SRRM3: variants seen among roughly 807,000 people sequenced by gnomAD.
SRRM3 encodes the protein serine/arginine repetitive matrix 3, also known as serine/arginine repetitive matrix protein 3.
In SRRM3, 27 loss-of-function variants were observed where a neutral mutation model predicts 66.2. The ratio of observed to expected loss-of-function variants is 0.41; its 90% CI spans 0.30 to 0.56. The LOEUF (loss-of-function observed/expected upper bound fraction) is 0.56, where lower values mean the gene tolerates loss of function less well. SRRM3 is among the 20% of genes least tolerant of loss of function. SRRM3 has a pLI of 0.32. For missense variants in SRRM3, 918 were observed against 991.9 expected (o/e 0.93, Z 1.00); for synonymous variants, 391 against 414.9 (o/e 0.94, Z 0.70).
chr7:76,261,333 C>A lies in SRRM3; in HGVS notation c.576-19C>A. The A allele has an allele frequency of 9.4e-7, 1 of 1,063,814 alleles. No homozygotes were observed. The highest frequency in any genetic ancestry group is 1.3e-6 in the Non-Finnish European group (1 of 768,650). The allele number at this position is 1,063,814 out of a possible 1,614,324, so 65.9% of individuals were successfully genotyped here. ...CCCCCCACCCCAGCTCACTAGAGCC[C>A]ACCTCCCTGTGTCCACAGCTGTGGG... On this transcript the variant is annotated intron_variant, in intron 6 of 14. Coordinates refer to ENST00000611745, the MANE Select transcript of SRRM3 (RefSeq NM_001110199.3).
intron 3 of SRRM3, among the ~76,000 whole-genome samples, chr7:76,250,034 T>A (rs1201879237): frequency 7.2e-6 from 1 of 139,670 alleles, no homozygotes; most frequent in Non-Finnish European, 1.6e-5. Flanking sequence ...TATTTATTTA[T>A]TTATTTATTT....
rs527377346 is a variant in SRRM3, at chr7:76,250,486, G to A, written c.335+2197G>A. ...TGACCTCAGGTGACCCACCCGCCTC[G>A]GCCTCCCAAAGTGCTGGGATTACAG... On this transcript the variant is annotated intron_variant, in intron 3 of 14. Transcript: ENST00000611745. Among the ~76,000 whole-genome samples, 26 of 152,138 alleles carry A rather than the reference G, an allele frequency of 1.7e-4. No homozygotes were observed. In the South Asian group the frequency reaches 2.9e-3, roughly 17 times the overall value.
chr7:76,248,401 G>C, intron 3 of SRRM3, 112 bp downstream of exon 3: 2 of 697,868 alleles, frequency 2.9e-6, no homozygotes, highest in South Asian at 3.4e-5. Context: ...TCAGGTGAGG[G>C]GGTGGAGAGG....
chr7:76,225,691 G>T (rs1554603675), intron 1 of SRRM3, among the ~76,000 whole-genome samples: 1 of 151,976 alleles, frequency 6.6e-6, no homozygotes, highest in East Asian at 1.9e-4. Flanking sequence ...GACCAGCCTG[G>T]GCAACAACGT....
In SRRM3 at chr7:76,264,831, A is replaced by T; in HGVS notation, c.725+16A>T. On this transcript the variant is annotated intron_variant, in intron 9 of 14. Transcript: ENST00000611745. ...AGAAGAAGAGGTAAGCGCCCTCCCT[A>T]CTCTCCAGCCCCCCATTCGTTCTCC... The T allele has an allele frequency of 6.2e-7, 1 of 1,612,654 alleles. No homozygotes were observed. Among genetic ancestry groups the T allele is most frequent in the Non-Finnish European group, 8.5e-7 (1 of 1,179,474 alleles).
rs782707622 is a variant in SRRM3, at chr7:76,248,228, C to A, written c.274C>A (p.Arg92=). Residue 92 remains arginine, a synonymous_variant, in exon 3 of 15, where the codon CGG becomes AGG. Transcript: ENST00000611745. ...GATTCGGCAGAAAGTGGGGACATTC[C>A]GGCAGATGCTGATGGAGAAGGAGGG... ...EEIRQKVGTF[R]QMLMEKEGVL... is the part of the protein sequence containing the mutation. 1 of 1,613,764 alleles carries A rather than the reference C, an allele frequency of 6.2e-7. No homozygotes were observed. The highest frequency in any genetic ancestry group is 8.5e-7 in the Non-Finnish European group (1 of 1,179,840).
At chr7:76,247,826 C>T (rs1801478822) in intron 2 of SRRM3, among the ~76,000 whole-genome samples, 1 of 152,036 alleles carries the variant, frequency 6.6e-6, no homozygotes, top group Non-Finnish European at 1.5e-5. Flanking sequence ...TCCTGAGTAG[C>T]GGGGATTGCA....
intron 3 of SRRM3, among the ~76,000 whole-genome samples, chr7:76,252,371 G>C (rs549123312): frequency 1.7e-4 from 26 of 152,190 alleles, no homozygotes; most frequent in Non-Finnish European, 3.8e-4. Context: ...ATCCAGGCTG[G>C]AGTGCAGCTC....
intron 1 of SRRM3, among the ~76,000 whole-genome samples, chr7:76,224,439 A>G (rs1421633986): frequency 1.6e-5 from 2 of 122,440 alleles, no homozygotes; most frequent in Admixed American, 2.3e-4. Flanking sequence ...ACCTTCCCTG[A>G]CCATCCTAGG....
At position 76,235,276 on chromosome 7, in the gene SRRM3, G is replaced by A. The variant is rs2116996880; in HGVS notation, c.210G>A (p.Leu70=). The change falls in exon 2 of 15, where the codon CTG becomes CTA. Residue 70 remains leucine (L), a synonymous_variant. Coordinates refer to ENST00000611745, the MANE Select transcript of SRRM3 (RefSeq NM_001110199.3). The part of the protein sequence containing the change: ...KRRVELKCME[L]QEMMEEQGYS... Reference sequence around the variant, plus strand: ...GGGTGGAGCTCAAGTGCATGGAGCTGCAGGAGATGATGGAGGAGCAGGGGT... The same window carrying A: ...GGGTGGAGCTCAAGTGCATGGAGCTACAGGAGATGATGGAGGAGCAGGGGT... 1 of 1,532,758 alleles carries A rather than the reference G, an allele frequency of 6.5e-7. No homozygotes were observed. Among genetic ancestry groups the A allele is most frequent in the Non-Finnish European group, 8.7e-7 (1 of 1,146,500 alleles). The allele number at this position is 1,532,758 out of a possible 1,614,324, so 94.9% of individuals were successfully genotyped here.
chr7:76,218,957 C>G (rs1290573577), intron 1 of SRRM3, among the ~76,000 whole-genome samples: 38 of 151,986 alleles, frequency 2.5e-4, no homozygotes, highest in Non-Finnish European at 2.9e-5. Context: ...CAGGTTCAAG[C>G]AATTCTCCTG....
Position 76,235,112 on chromosome 7 carries a change from C to G in SRRM3, c.46C>G (p.Pro16Ala), listed in dbSNP as rs782656737. The change falls in exon 2 of 15, where the codon CCC (proline) becomes GCC (alanine). Residue 16 changes from proline (P) to alanine (A), a missense_variant. By Grantham distance (27) the Pro-to-Ala change is conservative. Coordinates refer to ENST00000611745, the MANE Select transcript of SRRM3 (RefSeq NM_001110199.3). ...NNGAASMQST[P>A]DAANGFPQPS... ...CGGGGCGGCCAGCATGCAGTCCACA[C>G]CCGACGCCGCGAACGGCTTCCCGCA... 1.9e-6 allele frequency: 3 copies of G among 1,587,642 alleles called. No individual in the cohort carries two copies. The highest frequency in any genetic ancestry group is 8.5e-7 in the Non-Finnish European group (1 of 1,172,368).
At chr7:76,274,005 G>C (rs1802275135) in intron 11 of SRRM3, among the ~76,000 whole-genome samples, 1 of 152,198 alleles carries the variant, frequency 6.6e-6, no homozygotes, top group Admixed American at 6.5e-5. Flanking sequence ...TTCCTGAACT[G>C]TATGCTGCAG....
In SRRM3 at chr7:76,267,523, T is replaced by C. The variant is rs782368205; in HGVS notation, c.1008+88T>C. The C allele has an allele frequency of 1.3e-4, 52 of 388,510 alleles. 2 individuals carry two copies. The highest frequency in any genetic ancestry group is 1.0e-3 in the South Asian group (18 of 17,678). The allele number at this position is 388,510 out of a possible 1,614,324, so 24.1% of individuals were successfully genotyped here. On this transcript the variant is annotated intron_variant, in intron 11 of 14. Coordinates refer to ENST00000611745, the MANE Select transcript of SRRM3 (RefSeq NM_001110199.3). ...GGGTCGCCAGCGGGGCAGGGGGCGA[T>C]AAGTGTGGCATGGGGGCGGGGGCGG...
intron 1 of SRRM3, among the ~76,000 whole-genome samples, chr7:76,217,150 A>G (rs1291652676): frequency 6.6e-5 from 10 of 152,176 alleles, no homozygotes; most frequent in East Asian, 5.8e-4. Flanking sequence ...TCACCATCCA[A>G]TTTTGATTCT....
intron 1 of SRRM3, among the ~76,000 whole-genome samples, chr7:76,233,051 T>A (rs1272028952): frequency 6.6e-6 from 1 of 151,932 alleles, no homozygotes; most frequent in Non-Finnish European, 1.5e-5. Context: ...GCCTGTAATC[T>A]CAGTACTTTG....
chr7:76,282,620 C>T, intron 12 of SRRM3, 28 bp from the exon 13 acceptor site: 1 of 1,369,712 alleles, frequency 7.3e-7, no homozygotes, highest in Non-Finnish European at 9.5e-7. Context: ...GTCGCTGAGC[C>T]CTATCCCGCG....
intron 2 of SRRM3, among the ~76,000 whole-genome samples, chr7:76,246,711 G>A (rs1801453411): frequency 1.3e-5 from 2 of 152,170 alleles, no homozygotes; most frequent in African/African-American, 4.8e-5. Flanking sequence ...GGGGACCCCG[G>A]GATGACATCT....
At chr7:76,271,331 G>GC (rs776837672) in intron 11 of SRRM3, among the ~76,000 whole-genome samples, 26 of 152,216 alleles carry the variant, frequency 1.7e-4, no homozygotes, top group Non-Finnish European at 2.4e-4. Context: ...TTTTTAATCA[G>GC]CCAGGCATGG....
Sources: gnomAD v4.1 joint callset for allele counts (sites outside exome capture counted in the v4.1 genomes callset) on GRCh38, gnomAD v4.1.1 for gene constraint, MANE v1.5 for transcripts, NCBI Gene and HGNC (gene_info 2026-07-23, HGNC 2026-07-21) for gene names.